The following DLGAP2 variants were observed in gnomAD, a reference collection of about 807,000 sequenced individuals.
DLGAP2 encodes the protein DLG associated protein 2.
A neutral mutation model predicts 100.3 loss-of-function variants in DLGAP2; 26 were observed. The ratio of observed to expected loss-of-function variants is 0.26; its 90% CI spans 0.19 to 0.36. DLGAP2 has a LOEUF of 0.36. Ranked by LOEUF, DLGAP2 falls within the 10% of genes least tolerant of loss-of-function variation. The pLI, the probability that DLGAP2 is intolerant of heterozygous loss-of-function variation, is 1.00. For missense variants in DLGAP2, 1,858 were observed against 1,453.2 expected (o/e 1.28, Z -4.53); for synonymous variants, 886 against 630.1 (o/e 1.41, Z -6.08).
intron 1 of DLGAP2, among the ~76,000 whole-genome samples, chr8:845,264 G>T (rs144075810): frequency 2.0e-5 from 3 of 152,280 alleles, no homozygotes; most frequent in Non-Finnish European, 4.4e-5. Flanking sequence ...TCTGCCAGTC[G>T]TATAGGAGGG....
At chr8:1,639,785 C>T (rs990250232) in intron 8 of DLGAP2, among the ~76,000 whole-genome samples, 2 of 152,178 alleles carry the variant, frequency 1.3e-5, no homozygotes, top group African/African-American at 4.8e-5. Flanking sequence ...AGTTCTCTGC[C>T]GTCCTTGGCT....
chr8:1,312,488 A>G (rs1483603418), intron 3 of DLGAP2, among the ~76,000 whole-genome samples: 2 of 152,218 alleles, frequency 1.3e-5, no homozygotes, highest in Non-Finnish European at 2.9e-5. Flanking sequence ...CAACAAGAAG[A>G]AAACACACAT....
chr8:1,505,458 A>G (rs1321675685), intron 4 of DLGAP2, among the ~76,000 whole-genome samples: 1 of 152,210 alleles, frequency 6.6e-6, no homozygotes, highest in East Asian at 1.9e-4. Flanking sequence ...AGAGCTTAAG[A>G]TACCATTAGT....
chr8:900,515 C>A (rs1042921034), intron 1 of DLGAP2, among the ~76,000 whole-genome samples: 1 of 152,174 alleles, frequency 6.6e-6, no homozygotes, highest in South Asian at 2.1e-4. Flanking sequence ...TCTTTGTCTC[C>A]CCTTGCAGCA....
chr8:1,323,187 G>T (rs771177874), intron 3 of DLGAP2, among the ~76,000 whole-genome samples: 1 of 151,752 alleles, frequency 6.6e-6, no homozygotes, highest in African/African-American at 2.4e-5. Flanking sequence ...CAGCCTCCAC[G>T]CCCGGCTTAC....
intron 3 of DLGAP2, among the ~76,000 whole-genome samples, chr8:1,349,357 C>T (rs1465766682): frequency 3.3e-5 from 5 of 150,048 alleles, no homozygotes; most frequent in African/African-American, 9.9e-5. Context: ...GGGAGACTAT[C>T]GTGAGCCTCG....
chr8:1,372,138 A>G lies in DLGAP2; in HGVS notation c.106+113255A>G, dbSNP rs189722061. Among the ~76,000 whole-genome samples, 54 of 152,202 alleles carry G rather than the reference A, an allele frequency of 3.5e-4. No individual in the cohort carries two copies. In the South Asian group the frequency reaches 7.3e-3, roughly 21 times the overall value. On this transcript the variant is annotated intron_variant, in intron 3 of 14. Transcript: ENST00000637795. ...CCTGGGCCCTCACCTGCAGGCACCT[A>G]CACAGGTGATAGGGTGGGTGGGGCG...
At chr8:1,101,545 C>T (rs976228719) in intron 2 of DLGAP2, among the ~76,000 whole-genome samples, 52 of 152,204 alleles carry the variant, frequency 3.4e-4, no homozygotes, top group African/African-American at 1.1e-3. Flanking sequence ...GGGGGCATTT[C>T]ATGGCGGCAG....
At chr8:857,511 A>G (rs1313776863) in intron 1 of DLGAP2, among the ~76,000 whole-genome samples, 1 of 152,250 alleles carries the variant, frequency 6.6e-6, no homozygotes, top group Non-Finnish European at 1.5e-5. Context: ...TGATTTTTAA[A>G]ATGTGTAAAA....
intron 3 of DLGAP2, among the ~76,000 whole-genome samples, chr8:1,269,402 G>C (rs896433101): frequency 6.6e-6 from 1 of 152,162 alleles, no homozygotes; most frequent in Non-Finnish European, 1.5e-5. Flanking sequence ...CAGCAGTTGC[G>C]GTGAGCCTAG....
chr8:745,113 G>A (rs1421672998), intron 1 of DLGAP2, among the ~76,000 whole-genome samples: 1 of 152,198 alleles, frequency 6.6e-6, no homozygotes, highest in Non-Finnish European at 1.5e-5. Context: ...TCCGAGTTGT[G>A]GGTGCTGGAG....
intron 2 of DLGAP2, among the ~76,000 whole-genome samples, chr8:1,155,748 G>A (rs999631053): frequency 4.6e-5 from 7 of 152,274 alleles, no homozygotes; most frequent in South Asian, 4.1e-4. Context: ...TCCCTGGAGC[G>A]CGGGGCCTTG....
intron 3 of DLGAP2, among the ~76,000 whole-genome samples, chr8:1,336,554 G>A (rs1375695185): frequency 6.6e-6 from 1 of 152,222 alleles, no homozygotes; most frequent in Non-Finnish European, 1.5e-5. Context: ...AAGGACTTTG[G>A]CTGGGGTCTG....
At position 1,007,481 on chromosome 8, in the gene DLGAP2, C is replaced by G. The variant is rs1218843202; in HGVS notation, c.73+99515C>G. On this transcript the variant is annotated intron_variant, in intron 2 of 14. Transcript: ENST00000637795. ...CAAGAGCAAGTCAGCTGACTTACATCCCAGGAGGGAAAGATGTGTCTCTAA... is the reference window on the plus strand; with the variant it reads ...CAAGAGCAAGTCAGCTGACTTACATGCCAGGAGGGAAAGATGTGTCTCTAA... Among the ~76,000 whole-genome samples the G allele has an allele frequency of 3.3e-5, 5 of 152,244 alleles. No individual in the cohort carries two copies. The East Asian group carries it at 9.6e-4, about 29-fold the overall frequency.
intron 14 of DLGAP2, among the ~76,000 whole-genome samples, chr8:1,700,262 C>A (rs1283674847): frequency 6.6e-6 from 1 of 152,176 alleles, no homozygotes; most frequent in Non-Finnish European, 1.5e-5. Flanking sequence ...TGTTTTTCTC[C>A]CCCAAAACTA....
chr8:1,476,796 G>A (rs1798943624), intron 3 of DLGAP2, among the ~76,000 whole-genome samples: 1 of 144,712 alleles, frequency 6.9e-6, no homozygotes. Flanking sequence ...CCCTTCTGCA[G>A]ACCCACCCGT....
intron 2 of DLGAP2, among the ~76,000 whole-genome samples, chr8:1,251,729 G>A (rs999449380): frequency 3.9e-5 from 6 of 152,242 alleles, no homozygotes; most frequent in African/African-American, 1.4e-4. Flanking sequence ...ATGTGGCCAC[G>A]TTGTCATATA....
In DLGAP2 at chr8:1,622,795, G is replaced by A. The variant is rs528217618; in HGVS notation, c.1443-3945G>A. Among the ~76,000 whole-genome samples, 22 of 152,292 alleles carry A rather than the reference G, an allele frequency of 1.4e-4. No homozygotes were observed. The East Asian group carries it at 3.7e-3, about 25-fold the overall frequency. On this transcript the variant is annotated intron_variant, in intron 6 of 14. Transcript: ENST00000637795. ...ATTTCTGACACCTGGGATGCCGCAG[G>A]AATTACCACTTAGAGAGATAACCAA...
At chr8:1,352,379 C>T (rs547193158) in intron 3 of DLGAP2, among the ~76,000 whole-genome samples, 6 of 152,178 alleles carry the variant, frequency 3.9e-5, no homozygotes, top group Non-Finnish European at 7.4e-5. Context: ...CTGGGGCTTC[C>T]TCATGGGGCC....
Sources: allele counts gnomAD v4.1 joint callset (sites outside exome capture counted in the v4.1 genomes callset), GRCh38; gene constraint gnomAD v4.1.1; transcripts MANE v1.5; gene names NCBI Gene and HGNC (gene_info 2026-07-23, HGNC 2026-07-21).